NPAS2: variants seen among roughly 807,000 people sequenced by gnomAD.
NPAS2 encodes neuronal PAS domain-containing protein 2.
A neutral mutation model predicts 107.5 loss-of-function variants in NPAS2; 23 were observed. The observed-to-expected ratio is 0.21, with a 90% CI of 0.15 to 0.30. The LOEUF (loss-of-function observed/expected upper bound fraction) is 0.30. NPAS2 is among the 10% of genes least tolerant of loss of function. The pLI, the probability that NPAS2 is intolerant of heterozygous loss-of-function variation, is 1.00. For synonymous variants in NPAS2, 403 were observed against 417.5 expected (o/e 0.97, Z 0.42); for missense variants, 756 against 1,043.3 (o/e 0.72, Z 3.79).
intron 7 of NPAS2, among the ~76,000 whole-genome samples, chr2:100,953,747 C>G (rs1675384214): frequency 6.6e-6 from 1 of 152,224 alleles, no homozygotes; most frequent in Non-Finnish European, 1.5e-5. Context: ...CTCTTCACCC[C>G]AGTGCCTGCT....
intron 1 of NPAS2, among the ~76,000 whole-genome samples, chr2:100,901,234 A>C (rs1428294220): frequency 6.6e-6 from 1 of 152,004 alleles, no homozygotes; most frequent in Non-Finnish European, 1.5e-5. Flanking sequence ...AAGACTCATG[A>C]GTATTTAGTT....
intron 1 of NPAS2, chr2:100,821,331 G>A: frequency 1.3e-6 from 1 of 777,402 alleles, no homozygotes; most frequent in Non-Finnish European, 1.8e-6. Flanking sequence ...TTGTGTCCGG[G>A]AGGCTTTAGT....
chr2:100,861,441 C>G (rs1013889298), intron 1 of NPAS2, among the ~76,000 whole-genome samples: 4 of 151,736 alleles, frequency 2.6e-5, no homozygotes, highest in Admixed American at 6.6e-5. Flanking sequence ...GGTGGGATGT[C>G]GGGGAGAACA....
intron 7 of NPAS2, among the ~76,000 whole-genome samples, chr2:100,962,010 C>G (rs1053465818): frequency 2.0e-5 from 3 of 151,972 alleles, no homozygotes; most frequent in Non-Finnish European, 4.4e-5. Context: ...TCAAATGTCT[C>G]TTTTTTTTAA....
intron 1 of NPAS2, among the ~76,000 whole-genome samples, chr2:100,848,554 A>G (rs979395970): frequency 5.3e-5 from 8 of 152,216 alleles, no homozygotes; most frequent in African/African-American, 1.9e-4. Context: ...TTCCGCATCT[A>G]GAGCACACAT....
intron 2 of NPAS2, among the ~76,000 whole-genome samples, chr2:100,908,447 A>G (rs921078): frequency 0.86 from 130,596 of 152,100 alleles, 56,194 homozygotes; most frequent in East Asian, 1. Flanking sequence ...GCCAGTTGGC[A>G]GCAGGCAGGG....
intron 1 of NPAS2, among the ~76,000 whole-genome samples, chr2:100,903,149 G>T (rs1170376868): frequency 2.0e-5 from 3 of 152,216 alleles, no homozygotes; most frequent in Admixed American, 2.0e-4. Context: ...GCTCTGTCCA[G>T]GGGCCCCTGG....
intron 1 of NPAS2, among the ~76,000 whole-genome samples, chr2:100,836,866 T>C (rs144264605): frequency 2.0e-5 from 3 of 152,304 alleles, no homozygotes; most frequent in East Asian, 3.9e-4. Context: ...GTCAGAAATA[T>C]GAAAGAACTT....
At chr2:100,932,425 G>A (rs1192750260) in intron 3 of NPAS2, among the ~76,000 whole-genome samples, 1 of 152,178 alleles carries the variant, frequency 6.6e-6, no homozygotes, top group African/African-American at 2.4e-5. Context: ...GAAAAATATG[G>A]TACATTCTGT....
chr2:100,980,168 G>A lies in NPAS2; in HGVS notation c.1483-2063G>A, dbSNP rs113161969. 1.2e-3 allele frequency among the ~76,000 whole-genome samples: 188 copies of A among 152,130 alleles called. 3 individuals are homozygous for A. The highest frequency in any genetic ancestry group is 4.3e-3 in the African/African-American group (178 of 41,484). On this transcript the variant is annotated intron_variant, in intron 15 of 20. Coordinates refer to ENST00000335681, the MANE Select transcript of NPAS2 (RefSeq NM_002518.4). ...TGTCTGGGAGGCCTTGAAAAAATCCGAATAACGTGAGAGGCAGCCACCACC... is the reference window on the plus strand; with the variant it reads ...TGTCTGGGAGGCCTTGAAAAAATCCAAATAACGTGAGAGGCAGCCACCACC...
At chr2:100,881,092 G>A (rs1022370333) in intron 1 of NPAS2, among the ~76,000 whole-genome samples, 1 of 152,154 alleles carries the variant, frequency 6.6e-6, no homozygotes, top group African/African-American at 2.4e-5. Context: ...TGACGCTGTT[G>A]GCCTAAGGTG....
chr2:100,831,870 T>C (rs1676762462), intron 1 of NPAS2, among the ~76,000 whole-genome samples: 1 of 152,148 alleles, frequency 6.6e-6, no homozygotes, highest in African/African-American at 2.4e-5. Context: ...CTATCCTGCA[T>C]TTTACATCTC....
intron 2 of NPAS2, among the ~76,000 whole-genome samples, chr2:100,918,540 C>G (rs1683027698): frequency 6.6e-6 from 1 of 152,046 alleles, no homozygotes; most frequent in Non-Finnish European, 1.5e-5. Context: ...AAGCAACTGT[C>G]AAAACTCAAT....
At chr2:100,889,628 T>C (rs1680926152) in intron 1 of NPAS2, among the ~76,000 whole-genome samples, 1 of 151,956 alleles carries the variant, frequency 6.6e-6, no homozygotes, top group Non-Finnish European at 1.5e-5. Context: ...ATGTCTAGGG[T>C]TGGTTCACTC....
intron 1 of NPAS2, among the ~76,000 whole-genome samples, chr2:100,838,162 C>T (rs1284420254): frequency 2.0e-5 from 3 of 150,576 alleles, no homozygotes; most frequent in African/African-American, 4.9e-5. Context: ...AAATTGTCAT[C>T]CCTGGGTTAG....
chr2:100,847,806 G>A (rs188671975), intron 1 of NPAS2, among the ~76,000 whole-genome samples: 88 of 152,286 alleles, frequency 5.8e-4, no homozygotes, highest in Non-Finnish European at 1.3e-4. Flanking sequence ...TAATCAGAAC[G>A]CCTTCGCCAT....
At chr2:100,860,962 G>T (rs774904781) in intron 1 of NPAS2, among the ~76,000 whole-genome samples, 1 of 151,918 alleles carries the variant, frequency 6.6e-6, no homozygotes, top group African/African-American at 2.4e-5. Flanking sequence ...GCTCATTGCA[G>T]CCTGGAACTC....
chr2:100,890,728 T>C (rs1016820688), intron 1 of NPAS2, among the ~76,000 whole-genome samples: 1 of 152,120 alleles, frequency 6.6e-6, no homozygotes, highest in African/African-American at 2.4e-5. Context: ...TAACAGTGAA[T>C]ATGTTAAATC....
chr2:100,833,994 A>G lies in NPAS2; in HGVS notation c.-23+13580A>G, dbSNP rs147488977. The stretch of plus-strand genomic sequence containing the variant: ...ATAAGCTGGTTTTGAGGTGGAAGGA[A>G]AGGACCCTAGTGATCATCTGGTACA... On this transcript the variant is annotated intron_variant, in intron 1 of 20. Coordinates refer to ENST00000335681, the MANE Select transcript of NPAS2 (RefSeq NM_002518.4). Among the ~76,000 whole-genome samples the G allele has an allele frequency of 5.1e-4, 78 of 152,268 alleles. 1 individual carries two copies. In the East Asian group the frequency reaches 0.014, roughly 27 times the overall value.
Sources: allele counts gnomAD v4.1 joint callset (sites outside exome capture counted in the v4.1 genomes callset), GRCh38; gene constraint gnomAD v4.1.1; transcripts MANE v1.5; gene names NCBI Gene and HGNC (gene_info 2026-07-23, HGNC 2026-07-21).